The following CCSER1 variants were observed in gnomAD, a reference collection of about 807,000 sequenced individuals.
CCSER1 encodes serine-rich coiled-coil domain-containing protein 1.
CCSER1 carries 41 observed loss-of-function variants against 82.0 expected under a neutral mutation model. The ratio of observed to expected loss-of-function variants is 0.50; its 90% CI spans 0.39 to 0.65. CCSER1 has a LOEUF of 0.65. CCSER1 is among the 30% of genes least tolerant of loss of function. CCSER1 has a pLI of 0.00. For missense variants in CCSER1, 1,119 were observed against 1,064.2 expected (o/e 1.05, Z -0.72); for synonymous variants, 414 against 383.9 (o/e 1.08, Z -0.92).
intron 10 of CCSER1, among the ~76,000 whole-genome samples, chr4:91,186,551 C>T (rs532682321): frequency 1.2e-4 from 19 of 152,088 alleles, no homozygotes; most frequent in East Asian, 7.7e-4. Context: ...CCTAACTCAG[C>T]GGCGCTAGAG....
rs139040560 is a variant in CCSER1, at chr4:91,316,889, A to T, written c.2217+230895A>T. Among the ~76,000 whole-genome samples the T allele has an allele frequency of 2.4e-3, 359 of 152,110 alleles. 1 individual carries two copies. Among genetic ancestry groups the T allele is most frequent in the African/African-American group, 8.0e-3 (334 of 41,538 alleles). On this transcript the variant is annotated intron_variant, in intron 10 of 10. Coordinates refer to ENST00000509176, the MANE Select transcript of CCSER1 (RefSeq NM_001145065.2). The stretch of plus-strand genomic sequence containing the variant: ...GATTGCCAGAGGCTGGTGGCAGAAG[A>T]TGGAGGTGAACGGGGATAAAAGGAG...
intron 10 of CCSER1, among the ~76,000 whole-genome samples, chr4:91,552,443 G>A (rs1000528164): frequency 6.6e-6 from 1 of 151,628 alleles, no homozygotes; most frequent in African/African-American, 2.4e-5. Context: ...AACCAATCAA[G>A]TAATTAACAA....
chr4:90,712,620 G>C (rs1483998481), intron 6 of CCSER1, among the ~76,000 whole-genome samples: 4 of 151,762 alleles, frequency 2.6e-5, no homozygotes, highest in Non-Finnish European at 2.9e-5. Context: ...CTGTTGTTTT[G>C]GGGTGGAGAG....
At chr4:90,571,465 G>A (rs1278246100) in intron 5 of CCSER1, among the ~76,000 whole-genome samples, 1 of 152,122 alleles carries the variant, frequency 6.6e-6, no homozygotes, top group Non-Finnish European at 1.5e-5. Context: ...GGAGGTCATT[G>A]TCATTATCCT....
chr4:90,905,397 T>C (rs747575265), intron 8 of CCSER1, among the ~76,000 whole-genome samples: 1 of 151,564 alleles, frequency 6.6e-6, no homozygotes, highest in Non-Finnish European at 1.5e-5. Flanking sequence ...TATTAGTTTC[T>C]TAAGAAAAAA....
intron 10 of CCSER1, among the ~76,000 whole-genome samples, chr4:91,367,220 G>C (rs1483793615): frequency 6.7e-6 from 1 of 149,966 alleles, no homozygotes; most frequent in African/African-American, 2.5e-5. Context: ...GGGGGGCTGA[G>C]GTGGGAGGAT....
chr4:90,938,993 A>T (rs13148963), intron 9 of CCSER1, among the ~76,000 whole-genome samples: 7,453 of 152,202 alleles, frequency 0.049, 355 homozygotes, highest in East Asian at 0.21. Flanking sequence ...TTCTTTCTAT[A>T]TGTAAATATT....
At chr4:91,176,574 T>G (rs1018546452) in intron 10 of CCSER1, among the ~76,000 whole-genome samples, 3 of 152,174 alleles carry the variant, frequency 2.0e-5, no homozygotes, top group Non-Finnish European at 2.9e-5. Context: ...TTATTCTCTT[T>G]GAAGCAATTG....
At chr4:90,196,594 T>G (rs1309904132) in intron 1 of CCSER1, among the ~76,000 whole-genome samples, 3 of 151,112 alleles carry the variant, frequency 2.0e-5, no homozygotes, top group South Asian at 2.1e-4. Context: ...TAATCCTTCT[T>G]TATTCCCTTT....
intron 1 of CCSER1, among the ~76,000 whole-genome samples, chr4:90,172,531 T>C (rs1436220662): frequency 6.6e-6 from 1 of 151,896 alleles, no homozygotes; most frequent in Non-Finnish European, 1.5e-5. Context: ...ATATACTAAT[T>C]CATTTAATCT....
At chr4:91,060,368 G>T (rs762659479) in intron 9 of CCSER1, among the ~76,000 whole-genome samples, 4 of 151,916 alleles carry the variant, frequency 2.6e-5, no homozygotes, top group Non-Finnish European at 5.9e-5. Context: ...AGTCATTTTT[G>T]AAAACATAAT....
intron 10 of CCSER1, among the ~76,000 whole-genome samples, chr4:91,216,358 C>T (rs1737239597): frequency 6.6e-6 from 1 of 152,160 alleles, no homozygotes; most frequent in African/African-American, 2.4e-5. Context: ...CTCGCTCTGT[C>T]GCCCAGTCTG....
At chr4:90,464,850 A>G (rs1763409053) in intron 4 of CCSER1, among the ~76,000 whole-genome samples, 1 of 152,234 alleles carries the variant, frequency 6.6e-6, no homozygotes, top group Non-Finnish European at 1.5e-5. Flanking sequence ...ATGTGAATAA[A>G]ATTTTTTATG....
chr4:91,558,078 T>C (rs1045317110), intron 10 of CCSER1, among the ~76,000 whole-genome samples: 4 of 142,786 alleles, frequency 2.8e-5, no homozygotes, highest in Non-Finnish European at 6.1e-5. Context: ...TATGGTATTT[T>C]AATATATTAA....
intron 10 of CCSER1, among the ~76,000 whole-genome samples, chr4:91,569,811 A>C (rs7670997): frequency 0.68 from 103,535 of 152,122 alleles, 35,887 homozygotes; most frequent in African/African-American, 0.82. Context: ...CCTCCCAAAT[A>C]TCATGTCCTC....
At chr4:91,562,994 A>C (rs1326636749) in intron 10 of CCSER1, among the ~76,000 whole-genome samples, 1 of 151,758 alleles carries the variant, frequency 6.6e-6, no homozygotes, top group East Asian at 1.9e-4. Context: ...AAAAAGTCAT[A>C]ATTTTAAACC....
intron 10 of CCSER1, among the ~76,000 whole-genome samples, 159 bp from the exon 11 acceptor site, chr4:91,598,413 C>A (rs562209982): frequency 6.6e-6 from 1 of 151,864 alleles, no homozygotes; most frequent in Non-Finnish European, 1.5e-5. Context: ...AGTATTGCAC[C>A]GGAAAATTTA....
intron 10 of CCSER1, among the ~76,000 whole-genome samples, chr4:91,410,407 A>G (rs2149370584): frequency 6.6e-6 from 1 of 152,300 alleles, no homozygotes; most frequent in East Asian, 1.9e-4. Flanking sequence ...TGTTTGATCT[A>G]CTATGAAAAT....
intron 10 of CCSER1, among the ~76,000 whole-genome samples, chr4:91,565,657 G>A (rs560541859): frequency 1.3e-5 from 2 of 151,756 alleles, no homozygotes; most frequent in Non-Finnish European, 2.9e-5. Context: ...TTCTTTTTGT[G>A]GCAATTGTGA....
Sources: allele counts gnomAD v4.1 joint callset (sites outside exome capture counted in the v4.1 genomes callset), GRCh38; gene constraint gnomAD v4.1.1; transcripts MANE v1.5; gene names NCBI Gene and HGNC (gene_info 2026-07-23, HGNC 2026-07-21).